ZBTB44: variants seen among roughly 807,000 people sequenced by gnomAD.
ZBTB44 encodes zinc finger and BTB domain containing 44.
A neutral mutation model predicts 54.0 loss-of-function variants in ZBTB44; 15 were observed. That is an observed-to-expected ratio of 0.28 (90% CI 0.19 to 0.43). The LOEUF is 0.43. Ranked by LOEUF, ZBTB44 falls within the 20% of genes least tolerant of loss-of-function variation. The pLI, the probability that ZBTB44 is intolerant of heterozygous loss-of-function variation, is 1.00. For synonymous variants in ZBTB44, 230 were observed against 250.1 expected (o/e 0.92, Z 0.76); for missense variants, 487 against 707.1 (o/e 0.69, Z 3.53).
At chr11:130,246,736 A>C (rs1220211247) in intron 2 of ZBTB44, among the ~76,000 whole-genome samples, 2 of 152,204 alleles carry the variant, frequency 1.3e-5, no homozygotes, top group Non-Finnish European at 2.9e-5. Flanking sequence ...GAAAAAGAGA[A>C]ACATCTTCCA....
intron 1 of ZBTB44, among the ~76,000 whole-genome samples, chr11:130,271,970 T>C (rs1939703886): frequency 6.6e-6 from 1 of 152,006 alleles, no homozygotes; most frequent in Non-Finnish European, 1.5e-5. Flanking sequence ...GTGGTTCACA[T>C]CTGTAATCCT....
rs555241429 is a variant in ZBTB44 at position 130,284,109 on chromosome 11, C to T, written c.-56-22180G>A. ...TTCAAGACCAGCCTGGCCAACATGGCGAAACCCCGTCTCTACTAAAAATAC... is the reference window on the plus strand; with the variant it reads ...TTCAAGACCAGCCTGGCCAACATGGTGAAACCCCGTCTCTACTAAAAATAC... On this transcript the variant is annotated intron_variant, in intron 1 of 7. Transcript: ENST00000357899. Among the ~76,000 whole-genome samples, 48 of 151,472 alleles carry T rather than the reference C, an allele frequency of 3.2e-4. 1 individual carries two copies. In the East Asian group the frequency reaches 5.9e-3, roughly 18 times the overall value.
At chr11:130,265,871 A>G (rs1939211574) in intron 1 of ZBTB44, among the ~76,000 whole-genome samples, 1 of 152,254 alleles carries the variant, frequency 6.6e-6, no homozygotes, top group Admixed American at 6.5e-5. Flanking sequence ...GAAAGAAGCC[A>G]TCTCCATAAC....
intron 1 of ZBTB44, among the ~76,000 whole-genome samples, chr11:130,264,152 C>T (rs1048521990): frequency 6.6e-6 from 1 of 152,204 alleles, no homozygotes; most frequent in African/African-American, 2.4e-5. Flanking sequence ...TAACACAACA[C>T]ACCTCATAGA....
intron 2 of ZBTB44, among the ~76,000 whole-genome samples, chr11:130,248,176 C>G (rs959953477): frequency 1.3e-5 from 2 of 152,204 alleles, no homozygotes; most frequent in Non-Finnish European, 2.9e-5. Context: ...TCTTATGGAA[C>G]TTACAGGGGA....
intron 1 of ZBTB44, among the ~76,000 whole-genome samples, chr11:130,313,093 A>G (rs1234900062): frequency 1.3e-5 from 2 of 152,240 alleles, no homozygotes; most frequent in Non-Finnish European, 2.9e-5. Flanking sequence ...AACAAAGTTA[A>G]TAAAATTGTA....
At chr11:130,302,696 G>A (rs1007572348) in intron 1 of ZBTB44, among the ~76,000 whole-genome samples, 1 of 152,204 alleles carries the variant, frequency 6.6e-6, no homozygotes, top group East Asian at 1.9e-4. Flanking sequence ...AATGAGGGCC[G>A]GGCGTGATGG....
At chr11:130,302,255 C>G (rs1009107139) in intron 1 of ZBTB44, among the ~76,000 whole-genome samples, 16 of 152,064 alleles carry the variant, frequency 1.1e-4, no homozygotes, top group African/African-American at 3.9e-4. Flanking sequence ...ACTAGCCACA[C>G]AACAGGTAAC....
At chr11:130,233,585 ATCTAC>A (rs1172320397) in intron 6 of ZBTB44, 1 of 1,383,236 alleles carries the variant, frequency 7.2e-7, no homozygotes, top group South Asian at 1.7e-5. Context: ...AGCAGTAAGT[ATCTAC>A]TCAGGCCATT....
intron 1 of ZBTB44, among the ~76,000 whole-genome samples, chr11:130,280,882 A>T (rs1158250370): frequency 5.9e-5 from 9 of 152,078 alleles, no homozygotes; most frequent in African/African-American, 2.2e-4. Context: ...ACCAGTGAGG[A>T]CTTTTAATAT....
At chr11:130,239,949 G>T (rs1189242829) in intron 2 of ZBTB44, 53 bp from the exon 3 acceptor site, 16 of 1,281,182 alleles carry the variant, frequency 1.2e-5, no homozygotes, top group South Asian at 2.5e-5. Flanking sequence ...AATAAGCCAA[G>T]ATTGTAACTG....
intron 2 of ZBTB44, among the ~76,000 whole-genome samples, chr11:130,241,665 C>T (rs1461380160): frequency 2.6e-5 from 4 of 152,148 alleles, no homozygotes; most frequent in African/African-American, 9.6e-5. Flanking sequence ...TTTTTTCACC[C>T]TTTCTAATGG....
In ZBTB44 at chr11:130,314,619, G is replaced by C. The variant is rs927116961; in HGVS notation, c.-301C>G. 3 of 152,242 alleles carry C rather than the reference G, an allele frequency of 2.0e-5. No homozygotes were observed. Among genetic ancestry groups the C allele is most frequent in the Non-Finnish European group, 4.4e-5 (3 of 68,094 alleles). The allele number at this position is 152,242 out of a possible 1,614,324, so 9.4% of individuals were successfully genotyped here. ...GTGCCCGCGAGTGGGAGTGCGAGGA[G>C]GCGGGGAGGGAAGCACCCCCAGCGC... On this transcript the variant is annotated 5_prime_UTR_variant, in exon 1 of 8. Coordinates refer to ENST00000357899, the MANE Select transcript of ZBTB44 (RefSeq NM_001301098.2).
chr11:130,314,575 T>C lies in ZBTB44; in HGVS notation c.-257A>G, dbSNP rs1414156595. On this transcript the variant is annotated 5_prime_UTR_variant, in exon 1 of 8. The change abolishes an upstream ATG in the 5' untranslated region. Transcript: ENST00000357899. ...CCCGTGAGCAGCCTGTGGTGGGGCA[T>C]GGCGGCACAGCCACCGGCGTGCCCG... The C allele has an allele frequency of 8.2e-5, 1 of 12,222 alleles. No individual in the cohort carries two copies. Among genetic ancestry groups the C allele is most frequent in the Non-Finnish European group, 1.4e-4 (1 of 7,032 alleles). The allele number at this position is 12,222 out of a possible 1,614,324, so 0.8% of individuals were successfully genotyped here.
chr11:130,295,892 A>ACGGGT (rs1941612989), intron 1 of ZBTB44: 1 of 1,475,886 alleles, frequency 6.8e-7, no homozygotes, highest in South Asian at 1.1e-5. Flanking sequence ...GTGCATACCT[A>ACGGGT]TGGGTTGATA....
intron 2 of ZBTB44, among the ~76,000 whole-genome samples, chr11:130,253,959 A>C (rs954521719): frequency 3.9e-5 from 6 of 152,330 alleles, no homozygotes; most frequent in East Asian, 1.9e-4. Flanking sequence ...CAAAAACAAG[A>C]AATGGGGAAA....
chr11:130,306,319 A>G (rs972015125), intron 1 of ZBTB44, among the ~76,000 whole-genome samples: 5 of 152,070 alleles, frequency 3.3e-5, no homozygotes, highest in Non-Finnish European at 7.4e-5. Flanking sequence ...CCTGACCAAC[A>G]TGGAGAAAAC....
intron 2 of ZBTB44, among the ~76,000 whole-genome samples, chr11:130,246,779 G>A (rs1165494266): frequency 6.6e-6 from 1 of 152,130 alleles, no homozygotes; most frequent in African/African-American, 2.4e-5. Flanking sequence ...CTCATTTAGG[G>A]GTGGGGCCTG....
At chr11:130,275,654 A>T (rs1940007457) in intron 1 of ZBTB44, among the ~76,000 whole-genome samples, 1 of 152,066 alleles carries the variant, frequency 6.6e-6, no homozygotes, top group South Asian at 2.1e-4. Flanking sequence ...TTTGAGACAG[A>T]GTCTCACTCT....
Sources: gnomAD v4.1 joint callset for allele counts (sites outside exome capture counted in the v4.1 genomes callset) on GRCh38, gnomAD v4.1.1 for gene constraint, MANE v1.5 for transcripts, NCBI Gene and HGNC (gene_info 2026-07-23, HGNC 2026-07-21) for gene names.